HTRA4: variants seen among roughly 807,000 people sequenced by gnomAD.
HTRA4 encodes HtrA serine peptidase 4.
Under a neutral mutation model 49.1 loss-of-function variants are expected in HTRA4, and 46 were observed. The observed-to-expected ratio is 0.94, with a 90% CI of 0.74 to 1.20. The LOEUF is 1.20. Among genes scored for constraint, HTRA4 ranks in the 50% most tolerant of loss-of-function variants. The pLI is 0.00. For missense variants in HTRA4, 602 were observed against 636.9 expected (o/e 0.95, Z 0.59); for synonymous variants, 261 against 264.0 (o/e 0.99, Z 0.11).
Position 38,981,782 on chromosome 8 carries a change from G to GT in HTRA4, c.1114+15_1114+16insT. 6.4e-7 allele frequency: 1 copy of GT among 1,562,048 alleles called. No homozygotes were observed. The highest frequency in any genetic ancestry group is 8.8e-7 in the Non-Finnish European group (1 of 1,137,496). Reference sequence around the variant, plus strand: ...CCAGATGAAAGGTAAAGCAAGTTGGGATTTTTTTTTTTTTGGTTTCGTCTT... The same window carrying GT: ...CCAGATGAAAGGTAAAGCAAGTTGGGTATTTTTTTTTTTTTGGTTTCGTCTT... On this transcript the variant is annotated intron_variant, in intron 6 of 8. Coordinates refer to ENST00000302495, the MANE Select transcript of HTRA4 (RefSeq NM_153692.4).
At chr8:38,982,012 T>C (rs887474434) in intron 6 of HTRA4, among the ~76,000 whole-genome samples, 2 of 151,924 alleles carry the variant, frequency 1.3e-5, no homozygotes, top group African/African-American at 4.8e-5. Context: ...CACGCCCAGC[T>C]CATTTTCGTA....
intron 6 of HTRA4, among the ~76,000 whole-genome samples, chr8:38,982,236 G>C (rs560944383): frequency 2.8e-4 from 43 of 152,300 alleles, no homozygotes; most frequent in African/African-American, 1.0e-3. Context: ...AATATTGGGG[G>C]ACTAGGCACA....
chr8:38,980,151 G>T (rs1239712650), intron 5 of HTRA4, among the ~76,000 whole-genome samples: 1 of 152,168 alleles, frequency 6.6e-6, no homozygotes, highest in African/African-American at 2.4e-5. Context: ...AAACCTAAGA[G>T]AGTGCAATGC....
chr8:38,981,128 G>T (rs368531920), intron 5 of HTRA4, among the ~76,000 whole-genome samples: 1,363 of 121,666 alleles, frequency 0.011, 25 homozygotes, highest in African/African-American at 0.04. Flanking sequence ...CGCCCAGGCC[G>T]GAGTGCAGTG....
At position 38,974,518 on chromosome 8, in the gene HTRA4, C is replaced by T; in HGVS notation, c.255C>T (p.Gly85=). The change falls in exon 1 of 9, where the codon GGC becomes GGT. Residue 85 remains glycine (G), a synonymous_variant. Transcript: ENST00000302495. ...AEREVCGGAQ[G]QPCAPGLQCL... is the part of the protein sequence containing the mutation. ...GTGAAGTCTGCGGCGGGGCGCAGGGCCAACCGTGCGCCCCGGGGCTGCAGT... is the reference window on the plus strand; with the variant it reads ...GTGAAGTCTGCGGCGGGGCGCAGGGTCAACCGTGCGCCCCGGGGCTGCAGT... The T allele has an allele frequency of 2.1e-6, 3 of 1,445,066 alleles. No individual in the cohort carries two copies. Among genetic ancestry groups the T allele is most frequent in the Non-Finnish European group, 2.7e-6 (3 of 1,111,492 alleles). 89.5% of individuals were successfully genotyped at this position (1,445,066 alleles called of 1,614,324 possible). A position where few individuals can be genotyped will look rare whatever the true frequency, so the allele number is the denominator to read the frequency against.
chr8:38,987,904 T>C, intron 8 of HTRA4, 32 bp from the exon 9 acceptor site: 1 of 1,522,986 alleles, frequency 6.6e-7, no homozygotes, highest in Non-Finnish European at 8.8e-7. Flanking sequence ...TGTTATAGTT[T>C]CATGATCCTC....
intron 6 of HTRA4, 98 bp from the exon 7 acceptor site, chr8:38,982,400 A>T: frequency 9.8e-7 from 1 of 1,019,234 alleles, no homozygotes; most frequent in South Asian, 1.4e-5. Context: ...CTGAAAGGAC[A>T]GCTGTGATGG....
rs113892181 is a variant in HTRA4, at chr8:38,980,705, TC to T, written c.1000-946del. ...ATGAGCCAAGGTTGCACCAATGCACTCCAGCCTGGGCAACACAGTGAGACTC... is the reference window on the plus strand; with the variant it reads ...ATGAGCCAAGGTTGCACCAATGCACTCAGCCTGGGCAACACAGTGAGACTC... On this transcript the variant is annotated intron_variant, in intron 5 of 8. Coordinates refer to ENST00000302495, the MANE Select transcript of HTRA4 (RefSeq NM_153692.4). Among the ~76,000 whole-genome samples, 5 of 151,050 alleles carry T rather than the reference TC, an allele frequency of 3.3e-5. 1 individual carries two copies. The highest frequency in any genetic ancestry group is 1.2e-4 in the African/African-American group (5 of 41,066).
rs150031221 is a variant in HTRA4 at position 38,982,155 on chromosome 8, A to G, written c.1115-343A>G. Among the ~76,000 whole-genome samples, 52 of 152,282 alleles carry G rather than the reference A, an allele frequency of 3.4e-4. 1 individual carries two copies. The East Asian group carries it at 9.5e-3, about 28-fold the overall frequency. ...GAACCACCATGCCTGGCCCGGAGAC[A>G]GCCATTTGAATCCTGTAGACTACTG... On this transcript the variant is annotated intron_variant, in intron 6 of 8. Coordinates refer to ENST00000302495, the MANE Select transcript of HTRA4 (RefSeq NM_153692.4).
At chr8:38,984,005 G>T (rs58157685) in intron 8 of HTRA4, among the ~76,000 whole-genome samples, 61,912 of 150,498 alleles carry the variant, frequency 0.41, 13,202 homozygotes, top group East Asian at 0.74. Context: ...TTCATTAATA[G>T]TTTTTTTTTC....
chr8:38,982,687 A>C (rs1588294182), intron 7 of HTRA4, 132 bp downstream of exon 7: 1 of 793,576 alleles, frequency 1.3e-6, no homozygotes, highest in Non-Finnish European at 2.1e-6. Flanking sequence ...TATCTGTCTC[A>C]GGGTATGTAT....
At chr8:38,987,541 G>C (rs1835498270) in intron 8 of HTRA4, among the ~76,000 whole-genome samples, 1 of 152,136 alleles carries the variant, frequency 6.6e-6, no homozygotes, top group South Asian at 2.1e-4. Context: ...CCGAGTTTAA[G>C]TGTCTGGGAG....
At position 38,978,064 on chromosome 8, in the gene HTRA4, G is replaced by C. The variant is rs770877867; in HGVS notation, c.883G>C (p.Val295Leu). The C allele has an allele frequency of 1.6e-5, 26 of 1,614,086 alleles. No homozygotes were observed. In the Middle Eastern group the frequency reaches 4.9e-4, roughly 31 times the overall value. Residue 295 changes from valine to leucine, a missense_variant, in exon 4 of 9, where the codon GTC (valine) becomes CTC (leucine). Physicochemically the swap from Val to Leu is conservative, Grantham distance 32. Transcript: ENST00000302495. ...GCAGAACACAGCTACTGCAGGAATT[G>C]TCAGCACCAAACAGCGAGGGGGCAA... ...SLQNTATAGI[V>L]STKQRGGKEL... is the part of the protein sequence containing the mutation.
rs756089916 is a variant in HTRA4, at chr8:38,975,080, G to A, written c.516G>A (p.Ala172=). Reference sequence around the variant, plus strand: ...GGAGGAATTACAACTTCATCGCCGCGGTGGTGGAGAAGGTGGCGCCATCGG... The same window carrying A: ...GGAGGAATTACAACTTCATCGCCGCAGTGGTGGAGAAGGTGGCGCCATCGG... ...PLRRNYNFIA[A]VVEKVAPSVV... is the part of the protein sequence containing the mutation. Residue 172 remains alanine (A), a synonymous_variant, in exon 2 of 9, where the codon GCG becomes GCA. Coordinates refer to ENST00000302495, the MANE Select transcript of HTRA4 (RefSeq NM_153692.4). 1.2e-6 allele frequency: 2 copies of A among 1,613,886 alleles called. No individual in the cohort carries two copies. Among genetic ancestry groups the A allele is most frequent in the Admixed American group, 1.7e-5 (1 of 59,992 alleles).
chr8:38,977,964 T>G lies in HTRA4; in HGVS notation c.783T>G (p.Pro261=). The G allele has an allele frequency of 6.2e-7, 1 of 1,613,930 alleles. No individual in the cohort carries two copies. The highest frequency in any genetic ancestry group is 1.1e-5 in the South Asian group (1 of 91,058). Reference sequence around the variant, plus strand: ...TTGGGCACGTGCAGGCTGAACTTCCTGTACTGATGCTGGGAAGATCATCTG... The same window carrying G: ...TTGGGCACGTGCAGGCTGAACTTCCGGTACTGATGCTGGGAAGATCATCTG... ...VIKIESNAEL[P]VLMLGRSSDL... The change falls in exon 4 of 9, where the codon CCT becomes CCG. Residue 261 remains proline (P), a synonymous_variant. Coordinates refer to ENST00000302495, the MANE Select transcript of HTRA4 (RefSeq NM_153692.4).
chr8:38,979,817 A>G (rs1835397491), intron 5 of HTRA4, among the ~76,000 whole-genome samples: 1 of 152,084 alleles, frequency 6.6e-6, no homozygotes, highest in South Asian at 2.1e-4. Context: ...ATGCTGTGCC[A>G]AAAGCCCTGG....
In HTRA4 at chr8:38,987,966, C is replaced by G; in HGVS notation, c.1299C>G (p.Val433=). 6.2e-7 allele frequency: 1 copy of G among 1,603,176 alleles called. No individual in the cohort carries two copies. The highest frequency in any genetic ancestry group is 8.5e-7 in the Non-Finnish European group (1 of 1,176,978). ...SSGLRDHDVI[V]NINGKPITTT... is the part of the protein sequence containing the mutation. ...GATTGAGAGATCACGATGTAATTGT[C>G]AACATAAATGGGAAACCTATTACTA... is the stretch of plus-strand genomic sequence containing the variant. The change falls in exon 9 of 9, where the codon GTC becomes GTG. Residue 433 remains valine (V), a synonymous_variant. Transcript: ENST00000302495.
At chr8:38,981,515 C>T in intron 5 of HTRA4, 138 bp from the exon 6 acceptor site, 1 of 632,146 alleles carries the variant, frequency 1.6e-6, no homozygotes, top group Non-Finnish European at 2.8e-6. Context: ...CCGTTGCTCT[C>T]TTTTGAAGTA....
At chr8:38,981,063 G>GTTTTTTTTTTTTTTTTTTTTTTTTTTTTT (rs71216700) in intron 5 of HTRA4, among the ~76,000 whole-genome samples, 1 of 48,144 alleles carries the variant, frequency 2.1e-5, no homozygotes, top group Non-Finnish European at 4.3e-5. Context: ...ATGAGCTTAA[G>GTTTTTTTTTTTTTTTTTTTTTTTTTTTTT]TTTTTTTTTT....
Sources: allele counts gnomAD v4.1 joint callset (sites outside exome capture counted in the v4.1 genomes callset), GRCh38; gene constraint gnomAD v4.1.1; transcripts MANE v1.5; gene names NCBI Gene and HGNC (gene_info 2026-07-23, HGNC 2026-07-21).